Variants in SDCCAG8 observed in about 807,000 individuals in gnomAD.
SDCCAG8 encodes serologically defined colon cancer antigen 8.
SDCCAG8 carries 74 observed loss-of-function variants against 101.8 expected under a neutral mutation model. The ratio of observed to expected loss-of-function variants is 0.73; its 90% CI spans 0.60 to 0.88. SDCCAG8 has a LOEUF of 0.88. SDCCAG8 is among the 40% of genes least tolerant of loss of function. The pLI is 0.00. For missense variants in SDCCAG8, 787 were observed against 822.6 expected, an observed-to-expected ratio of 0.96 and a Z score of 0.53; for synonymous variants, 281 against 292.9, an observed-to-expected ratio of 0.96 and a Z score of 0.41.
intron 12 of SDCCAG8, among the ~76,000 whole-genome samples, chr1:243,374,625 G>A (rs1333340793): frequency 6.6e-6 from 1 of 152,028 alleles, no homozygotes; most frequent in African/African-American, 2.4e-5. Flanking sequence ...TACAATAATA[G>A]CATTTTCAGG....
intron 6 of SDCCAG8, among the ~76,000 whole-genome samples, chr1:243,297,848 C>T (rs765626926): frequency 6.6e-6 from 1 of 152,090 alleles, no homozygotes; most frequent in Non-Finnish European, 1.5e-5. Flanking sequence ...TGTCAGTATA[C>T]ATATTATAAA....
intron 12 of SDCCAG8, among the ~76,000 whole-genome samples, chr1:243,356,157 G>T (rs528710312): frequency 4.6e-5 from 7 of 152,054 alleles, no homozygotes; most frequent in Non-Finnish European, 7.4e-5. Flanking sequence ...TTTTAAAGGC[G>T]GCGTCAACAC....
At chr1:243,312,476 G>A (rs1034103638) in intron 8 of SDCCAG8, among the ~76,000 whole-genome samples, 1 of 152,168 alleles carries the variant, frequency 6.6e-6, no homozygotes, top group African/African-American at 2.4e-5. Flanking sequence ...GGAGGCTGAG[G>A]CAGGTGGATC....
At chr1:243,275,282 TTC>T (rs1178760629) in intron 4 of SDCCAG8, among the ~76,000 whole-genome samples, 1 of 152,102 alleles carries the variant, frequency 6.6e-6, no homozygotes, top group African/African-American at 2.4e-5. Flanking sequence ...TTCTGTTTCT[TTC>T]TCTCTTTCTT....
chr1:243,444,281 G>A (rs2082744128), intron 16 of SDCCAG8, among the ~76,000 whole-genome samples: 1 of 151,976 alleles, frequency 6.6e-6, no homozygotes, highest in Non-Finnish European at 1.5e-5. Context: ...CACATTGCTA[G>A]TAAAGGAATT....
chr1:243,256,177 G>A lies in SDCCAG8; in HGVS notation c.4G>A (p.Ala2Thr). 1 of 1,614,132 alleles carries A rather than the reference G, an allele frequency of 6.2e-7. No homozygotes were observed. Among genetic ancestry groups the A allele is most frequent in the Non-Finnish European group, 8.5e-7 (1 of 1,179,948 alleles). The change falls in exon 1 of 18, where the codon GCG becomes ACG. Residue 2 changes from alanine to threonine, a missense_variant. Physicochemically the swap from Ala to Thr is moderately conservative, Grantham distance 58 (BLOSUM62 0). Transcript: ENST00000366541. M[A>T]KSPENSTLEE... ...GCTCTGGGCCTAGAGTGCGTGCATG[G>A]CGAAGTCCCCGGAGAACTCTACCCT...
intron 10 of SDCCAG8, among the ~76,000 whole-genome samples, chr1:243,331,557 A>G (rs1485341416): frequency 6.6e-6 from 1 of 152,228 alleles, no homozygotes; most frequent in East Asian, 1.9e-4. Flanking sequence ...AAGTCTTAAT[A>G]AGAGTAAACT....
chr1:243,299,663 C>T (rs2071300673), intron 6 of SDCCAG8, among the ~76,000 whole-genome samples: 1 of 152,112 alleles, frequency 6.6e-6, no homozygotes, highest in African/African-American at 2.4e-5. Flanking sequence ...ATCCGCCTGC[C>T]TCGGCCTCCC....
At chr1:243,478,783 C>T (rs758133054) in intron 16 of SDCCAG8, among the ~76,000 whole-genome samples, 187 of 151,944 alleles carry the variant, frequency 1.2e-3, no homozygotes, top group Non-Finnish European at 1.6e-3. Flanking sequence ...GTGGTTAAAC[C>T]CCAACTCCAC....
chr1:243,363,134 G>A (rs148256603), intron 12 of SDCCAG8, among the ~76,000 whole-genome samples: 1 of 152,264 alleles, frequency 6.6e-6, no homozygotes, highest in Admixed American at 6.5e-5. Context: ...AGCACAGAGA[G>A]CATCACAGAG....
In SDCCAG8 at chr1:243,324,997, A is replaced by C. The variant is rs528533563; in HGVS notation, c.1069-5543A>C. Among the ~76,000 whole-genome samples the C allele has an allele frequency of 1.5e-3, 221 of 152,312 alleles. 1 individual carries two copies. Among genetic ancestry groups the C allele is most frequent in the African/African-American group, 5.2e-3 (217 of 41,552 alleles). On this transcript the variant is annotated intron_variant, in intron 9 of 17. Coordinates refer to ENST00000366541, the MANE Select transcript of SDCCAG8 (RefSeq NM_006642.5). ...TCAACTCAAGTGGCAGTCTTCCTGAAGTTTTCCCCAGCCCCTTCTTGTTTG... is the reference window on the plus strand; with the variant it reads ...TCAACTCAAGTGGCAGTCTTCCTGACGTTTTCCCCAGCCCCTTCTTGTTTG...
chr1:243,368,257 C>T (rs1295930049), intron 12 of SDCCAG8, among the ~76,000 whole-genome samples: 1 of 151,172 alleles, frequency 6.6e-6, no homozygotes, highest in South Asian at 2.1e-4. Flanking sequence ...AAGGGCCAAA[C>T]TGTTACTTTT....
At chr1:243,407,046 T>C (rs544607918) in intron 13 of SDCCAG8, among the ~76,000 whole-genome samples, 1 of 152,180 alleles carries the variant, frequency 6.6e-6, no homozygotes, top group Non-Finnish European at 1.5e-5. Context: ...AGTTGTTTTT[T>C]TCCCCAAAAC....
At chr1:243,392,430 C>T (rs2078757615) in intron 13 of SDCCAG8, among the ~76,000 whole-genome samples, 1 of 152,204 alleles carries the variant, frequency 6.6e-6, no homozygotes, top group South Asian at 2.1e-4. Flanking sequence ...ATGGAAGCAG[C>T]TCTGTGCCCT....
intron 17 of SDCCAG8, among the ~76,000 whole-genome samples, chr1:243,490,071 G>A (rs1356276375): frequency 6.6e-6 from 1 of 152,238 alleles, no homozygotes; most frequent in African/African-American, 2.4e-5. Flanking sequence ...CAGGCAGTAA[G>A]TGCTTGGAAT....
intron 9 of SDCCAG8, among the ~76,000 whole-genome samples, chr1:243,327,690 G>C (rs1292182055): frequency 6.6e-6 from 1 of 152,068 alleles, no homozygotes; most frequent in African/African-American, 2.4e-5. Flanking sequence ...AATTAAGAGA[G>C]AGCTTTAATG....
At chr1:243,434,896 CTG>C (rs2082033249) in intron 16 of SDCCAG8, among the ~76,000 whole-genome samples, 1 of 152,112 alleles carries the variant, frequency 6.6e-6, no homozygotes, top group Non-Finnish European at 1.5e-5. Flanking sequence ...GCTGCTATAA[CTG>C]ATTACCAGGG....
At position 243,335,696 on chromosome 1, in the gene SDCCAG8, C is replaced by T. The variant is rs112367836; in HGVS notation, c.1221+5004C>T. 8.5e-4 allele frequency among the ~76,000 whole-genome samples: 130 copies of T among 152,058 alleles called. 1 individual carries two copies. Among genetic ancestry groups the T allele is most frequent in the Middle Eastern group, 3.4e-3 (1 of 294 alleles). On this transcript the variant is annotated intron_variant, in intron 10 of 17. Coordinates refer to ENST00000366541, the MANE Select transcript of SDCCAG8 (RefSeq NM_006642.5). ...GTGCAGGTTTTTTACTTGTGTATAT[C>T]GCATGATGCTGAGGTTTGGTTTACA... is the stretch of plus-strand genomic sequence containing the variant.
chr1:243,422,784 C>T (rs1384753148), intron 15 of SDCCAG8, among the ~76,000 whole-genome samples: 1 of 152,112 alleles, frequency 6.6e-6, no homozygotes, highest in Non-Finnish European at 1.5e-5. Context: ...AAGCAATTAT[C>T]ATTTTAATCC....
Sources: allele counts gnomAD v4.1 joint callset (sites outside exome capture counted in the v4.1 genomes callset), GRCh38; gene constraint gnomAD v4.1.1; transcripts MANE v1.5; gene names NCBI Gene and HGNC (gene_info 2026-07-23, HGNC 2026-07-21).